Variants in SMO observed in about 807,000 individuals in gnomAD.
SMO encodes the protein smoothened, frizzled class receptor.
In SMO, 40 loss-of-function variants were observed where a neutral mutation model predicts 81.6. That is an observed-to-expected ratio of 0.49 (90% CI 0.38 to 0.64). SMO has a LOEUF of 0.64. SMO is among the 30% of genes least tolerant of loss of function. The pLI, the probability that SMO is intolerant of heterozygous loss-of-function variation, is 0.00. For synonymous variants in SMO, 434 were observed against 432.1 expected (o/e 1.00, Z -0.05); for missense variants, 916 against 1,061.1 (o/e 0.86, Z 1.90).
At chr7:129,199,211 T>C (rs1793627927) in intron 1 of SMO, among the ~76,000 whole-genome samples, 1 of 149,358 alleles carries the variant, frequency 6.7e-6, no homozygotes, top group South Asian at 2.1e-4. Context: ...AGATAGAGTT[T>C]TGTTCTGTCA....
At position 129,206,071 on chromosome 7, in the gene SMO, G is replaced by T. The variant is rs1303877437; in HGVS notation, c.921-79G>T. ...AACCTCCAGACCTCAGCAGCTGAGG[G>T]TCTGGGCACAGGGTGGGGAGACCAG... On this transcript the variant is annotated intron_variant, in intron 4 of 11. Coordinates refer to ENST00000249373, the MANE Select transcript of SMO (RefSeq NM_005631.5). The surrounding 1 kb of genome is among the most constrained non-coding windows in gnomAD (Gnocchi z 4.4). The T allele has an allele frequency of 2.5e-6, 3 of 1,214,626 alleles. No individual in the cohort carries two copies. Among genetic ancestry groups the T allele is most frequent in the Non-Finnish European group, 3.5e-6 (3 of 852,566 alleles). The allele number at this position is 1,214,626 out of a possible 1,614,324, so 75.2% of individuals were successfully genotyped here.
rs923005760 is a variant in SMO, at chr7:129,206,681, C to T, written c.1264+94C>T. 8.6e-6 allele frequency: 12 copies of T among 1,391,132 alleles called. No homozygotes were observed. The African/African-American group carries it at 1.3e-4, about 15-fold the overall frequency. The allele number at this position is 1,391,132 out of a possible 1,614,324, so 86.2% of individuals were successfully genotyped here. A position where few individuals can be genotyped will look rare whatever the true frequency, so the allele number is the denominator to read the frequency against. On this transcript the variant is annotated intron_variant, in intron 6 of 11. Coordinates refer to ENST00000249373, the MANE Select transcript of SMO (RefSeq NM_005631.5). The surrounding 1 kb of genome is among the most constrained non-coding windows in gnomAD (Gnocchi z 4.4). ...AGCTGCCAGCACGGCTGCCCCCATG[C>T]TGAAACCCCAGCTAGCTCCTATAGG...
In SMO at chr7:129,210,357, C is replaced by A. The variant is rs749987059; in HGVS notation, c.1467-6C>A. On this transcript the variant is annotated splice_region_variant and splice_polypyrimidine_tract_variant and intron_variant, in intron 8 of 11. Coordinates refer to ENST00000249373, the MANE Select transcript of SMO (RefSeq NM_005631.5). The surrounding 1 kb of genome is among the most constrained non-coding windows in gnomAD (Gnocchi z 4.7). The stretch of plus-strand genomic sequence containing the variant: ...AGCCTCACCTGTCTACGTTCCCTCA[C>A]TGTAGATGTCAGGCCAATGTGACCA... 4 of 1,610,390 alleles carry A rather than the reference C, an allele frequency of 2.5e-6. No individual in the cohort carries two copies. The highest frequency in any genetic ancestry group is 3.4e-6 in the Non-Finnish European group (4 of 1,176,578).
At chr7:129,200,244 C>T (rs887607991) in intron 1 of SMO, among the ~76,000 whole-genome samples, 1 of 151,958 alleles carries the variant, frequency 6.6e-6, no homozygotes, top group Non-Finnish European at 1.5e-5. Flanking sequence ...GGTGAACCCC[C>T]GTCTCTACTA....
chr7:129,203,439 A>G lies in SMO; in HGVS notation c.387A>G (p.Val129=), dbSNP rs764983171. ...TGATCCAGCCCCTGCTGTGTGCCGT[A>G]TACATGCCCAAGTGTGAGAATGACC... is the stretch of plus-strand genomic sequence containing the variant. ...WAVIQPLLCA[V]YMPKCENDRV... is the part of the protein sequence containing the mutation. Residue 129 remains valine (V), a synonymous_variant, in exon 2 of 12, where the codon GTA becomes GTG. Transcript: ENST00000249373. The G allele has an allele frequency of 4.4e-5, 69 of 1,567,926 alleles. No individual in the cohort carries two copies. In the East Asian group the frequency reaches 1.6e-3, roughly 36 times the overall value.
chr7:129,189,021 C>A lies in SMO; in HGVS notation c.-131C>A. The stretch of plus-strand genomic sequence containing the variant: ...GGCGCGCGGAGCGTCCGGGGGGGCC[C>A]GGGCCCGGATTCTCTGGGCGCACAG... On this transcript the variant is annotated 5_prime_UTR_variant, in exon 1 of 12. Transcript: ENST00000249373. The surrounding 1 kb of genome is among the most constrained non-coding windows in gnomAD (Gnocchi z 4.7). 1 of 780,624 alleles carries A rather than the reference C, an allele frequency of 1.3e-6. No homozygotes were observed. The highest frequency in any genetic ancestry group is 1.7e-6 in the Non-Finnish European group (1 of 583,708). The allele number at this position is 780,624 out of a possible 1,614,324, so 48.4% of individuals were successfully genotyped here.
intron 1 of SMO, among the ~76,000 whole-genome samples, chr7:129,196,500 G>A (rs918583289): frequency 1.3e-5 from 2 of 151,588 alleles, no homozygotes; most frequent in Non-Finnish European, 2.9e-5. Context: ...GGATTGCATT[G>A]ACTATATAGA....
Position 129,211,244 on chromosome 7 carries a change from GC to G in SMO, c.1801+132del. ...TGAGGAGCAAGGCGCTCCCTCCATC[GC>G]TCACACACCCATTCTTCCCCCGGCC... is the stretch of plus-strand genomic sequence containing the variant. On this transcript the variant is annotated intron_variant, in intron 10 of 11. Coordinates refer to ENST00000249373, the MANE Select transcript of SMO (RefSeq NM_005631.5). This position sits in a 1 kb window ranked among gnomAD's most constrained non-coding sequence, Gnocchi z 4.6. 1.0e-6 allele frequency: 1 copy of G among 975,386 alleles called. No homozygotes were observed. The highest frequency in any genetic ancestry group is 1.6e-6 in the Non-Finnish European group (1 of 637,874). 60.4% of individuals were successfully genotyped at this position (975,386 alleles called of 1,614,324 possible).
rs773189809 is a variant in SMO at position 129,206,513 on chromosome 7, A to G, written c.1190A>G (p.Tyr397Cys). ...ATTTGTTTTGTGGGCTACAAGAACT[A>G]CCGATACCGTGCGGGCTTCGTGCTG... ...SGICFVGYKN[Y>C]RYRAGFVLAP... The change falls in exon 6 of 12, where the codon TAC becomes TGC. Residue 397 changes from tyrosine (Y) to cysteine (C), a missense_variant. Coordinates refer to ENST00000249373, the MANE Select transcript of SMO (RefSeq NM_005631.5). This position sits in a 1 kb window ranked among gnomAD's most constrained non-coding sequence, Gnocchi z 4.4. 1.2e-6 allele frequency: 2 copies of G among 1,614,014 alleles called. No homozygotes were observed. Among genetic ancestry groups the G allele is most frequent in the African/African-American group, 2.7e-5 (2 of 74,914 alleles).
Position 129,212,531 on chromosome 7 carries a change from C to A in SMO, c.*80C>A. ...CTTCTTCCTCACCGAGCATGCTTCC[C>A]TAGGATCCCGTCTTCCAGAGAACCT... is the stretch of plus-strand genomic sequence containing the variant. On this transcript the variant is annotated 3_prime_UTR_variant, in exon 12 of 12. Transcript: ENST00000249373. This position sits in a 1 kb window ranked among gnomAD's most constrained non-coding sequence, Gnocchi z 5.0. 1 of 1,376,960 alleles carries A rather than the reference C, an allele frequency of 7.3e-7. No individual in the cohort carries two copies. Among genetic ancestry groups the A allele is most frequent in the Non-Finnish European group, 9.9e-7 (1 of 1,006,788 alleles). 85.3% of individuals were successfully genotyped at this position (1,376,960 alleles called of 1,614,324 possible). A position where few individuals can be genotyped will look rare whatever the true frequency, so the allele number is the denominator to read the frequency against.
chr7:129,198,836 C>A (rs185052872), intron 1 of SMO, among the ~76,000 whole-genome samples: 33 of 152,298 alleles, frequency 2.2e-4, no homozygotes, highest in African/African-American at 7.7e-4. Context: ...GATGACATTG[C>A]CTGATGACAC....
At position 129,212,258 on chromosome 7, in the gene SMO, C is replaced by T. The variant is rs2150656912; in HGVS notation, c.2171C>T (p.Ser724Phe). The change falls in exon 12 of 12, where the codon TCT becomes TTT. Residue 724 changes from serine to phenylalanine, a missense_variant. Ser to Phe is a radical substitution (Grantham distance 155). This residue lies in a region of SMO where 324 missense variants were observed against 312.9 expected (regional missense o/e 1.04). Transcript: ENST00000249373. The surrounding 1 kb of genome is among the most constrained non-coding windows in gnomAD (Gnocchi z 5.0). The stretch of plus-strand genomic sequence containing the variant: ...GCAGGTGCCTGGGGAGCTGGGGACT[C>T]TTGCCGACAGGGAGCGTGGACCCTG... ...VAAGAWGAGD[S>F]CRQGAWTLVS... 6.2e-7 allele frequency: 1 copy of T among 1,607,590 alleles called. No individual in the cohort carries two copies. The highest frequency in any genetic ancestry group is 8.5e-7 in the Non-Finnish European group (1 of 1,177,116).
In SMO at chr7:129,205,112, C is replaced by A. The variant is rs13223446; in HGVS notation, c.538-91C>A. 38,965 of 1,134,892 alleles carry A rather than the reference C, an allele frequency of 0.034. 941 individuals carry two copies. Among genetic ancestry groups the A allele is most frequent in the Admixed American group, 0.1 (5,464 of 54,538 alleles). The allele number at this position is 1,134,892 out of a possible 1,614,324, so 70.3% of individuals were successfully genotyped here. On this transcript the variant is annotated intron_variant, in intron 2 of 11. Transcript: ENST00000249373. ...CAGGTCCTGGAAGTGTATCTCCAGC[C>A]ACCCTGCCATGCTACCTAGATACCT...
rs750320690 is a variant in SMO, at chr7:129,203,574, C to T, written c.522C>T (p.Phe174=). The change falls in exon 2 of 12, where the codon TTC becomes TTT. Residue 174 remains phenylalanine (F), a synonymous_variant. Transcript: ENST00000249373. Reference sequence around the variant, plus strand: ...TCCTGCGCTGCACTCCTGACCGCTTCCCTGAAGGCTGCACGGTGAGTGCTC... The same window carrying T: ...TCCTGCGCTGCACTCCTGACCGCTTTCCTGAAGGCTGCACGGTGAGTGCTC... ...PDFLRCTPDR[F]PEGCTNEVQN... is the part of the protein sequence containing the mutation. 1.2e-6 allele frequency: 2 copies of T among 1,601,100 alleles called. No homozygotes were observed. The highest frequency in any genetic ancestry group is 1.7e-6 in the Non-Finnish European group (2 of 1,179,360).
At chr7:129,195,801 A>G (rs1793563031) in intron 1 of SMO, among the ~76,000 whole-genome samples, 1 of 152,106 alleles carries the variant, frequency 6.6e-6, no homozygotes, top group Non-Finnish European at 1.5e-5. Flanking sequence ...CACAGGTACT[A>G]TTAACATTAT....
chr7:129,206,302 C>T lies in SMO; in HGVS notation c.1073C>T (p.Ser358Phe), dbSNP rs2150650223. The part of the protein sequence containing the change: ...TTYQPLSGKT[S>F]YFHLLTWSLP... ...TACCAGCCTCTCTCGGGCAAGACCT[C>T]CTACTTCCACCTGCTCACCTGGTCA... The change falls in exon 5 of 12, where the codon TCC (serine) becomes TTC (phenylalanine). Residue 358 changes from serine to phenylalanine, a missense_variant. By Grantham distance (155) the Ser-to-Phe change is radical. Transcript: ENST00000249373. The surrounding 1 kb of genome is among the most constrained non-coding windows in gnomAD (Gnocchi z 4.4). 6.2e-7 allele frequency: 1 copy of T among 1,614,234 alleles called. No individual in the cohort carries two copies. Among genetic ancestry groups the T allele is most frequent in the Non-Finnish European group, 8.5e-7 (1 of 1,180,036 alleles).
At chr7:129,198,511 C>T (rs1463202415) in intron 1 of SMO, among the ~76,000 whole-genome samples, 1 of 152,222 alleles carries the variant, frequency 6.6e-6, no homozygotes, top group East Asian at 1.9e-4. Flanking sequence ...TGTAACATGA[C>T]AACATTGGAC....
At chr7:129,195,295 C>T (rs1793555266) in intron 1 of SMO, among the ~76,000 whole-genome samples, 1 of 152,228 alleles carries the variant, frequency 6.6e-6, no homozygotes, top group Non-Finnish European at 1.5e-5. Context: ...CTAACTTATA[C>T]TCCCACTAGC....
rs1186366060 is a variant in SMO, at chr7:129,203,387, T to C, written c.335T>C (p.Leu112Pro). The change falls in exon 2 of 12, where the codon CTC (leucine) becomes CCC (proline). Residue 112 changes from leucine to proline, a missense_variant. Coordinates refer to ENST00000249373, the MANE Select transcript of SMO (RefSeq NM_005631.5). ...AHGKLVLWSG[L>P]RNAPRCWAVI... ...GCAATGCTGTTGCCACCCCCAGGCC[T>C]CCGGAATGCCCCCCGCTGCTGGGCA... The C allele has an allele frequency of 1.3e-6, 2 of 1,550,910 alleles. No homozygotes were observed. Among genetic ancestry groups the C allele is most frequent in the Non-Finnish European group, 1.7e-6 (2 of 1,146,930 alleles).
Sources: gnomAD v4.1 joint callset for allele counts (sites outside exome capture counted in the v4.1 genomes callset) on GRCh38, gnomAD v4.1.1 for gene constraint, gnomAD v4.1.1 regional missense constraint, Gnocchi (gnomAD v3.1) non-coding constraint, MANE v1.5 for transcripts, NCBI Gene and HGNC (gene_info 2026-07-23, HGNC 2026-07-21) for gene names.